LRRC28: variants seen among roughly 807,000 people sequenced by gnomAD.
The protein encoded by LRRC28 is leucine rich repeat containing 28.
Under a neutral mutation model 45.7 loss-of-function variants are expected in LRRC28, and 39 were observed. The ratio of observed to expected loss-of-function variants is 0.85; its 90% CI spans 0.66 to 1.12. The LOEUF (loss-of-function observed/expected upper bound fraction) is 1.12, where lower values mean the gene tolerates loss of function less well. LRRC28 is among the 50% of genes most tolerant of loss of function. The probability of loss-of-function intolerance (pLI) is 0.00; values close to 1 mark genes in which losing one functional copy is unlikely to be tolerated. For synonymous variants in LRRC28, 206 were observed against 178.8 expected (o/e 1.15, Z -1.22); for missense variants, 435 against 438.5 (o/e 0.99, Z 0.07).
intron 6 of LRRC28, among the ~76,000 whole-genome samples, chr15:99,334,661 T>C (rs1306521739): frequency 2.0e-5 from 3 of 152,204 alleles, no homozygotes; most frequent in East Asian, 3.8e-4. Flanking sequence ...TGTAGAGTTC[T>C]GTAGCTGACC....
intron 5 of LRRC28, among the ~76,000 whole-genome samples, chr15:99,316,447 G>A (rs764815143): frequency 1.3e-5 from 2 of 152,248 alleles, no homozygotes; most frequent in South Asian, 2.1e-4. Context: ...AGGAACTAGA[G>A]AAATGGGAAT....
intron 5 of LRRC28, among the ~76,000 whole-genome samples, chr15:99,305,772 C>T (rs1431436807): frequency 6.6e-6 from 1 of 152,064 alleles, no homozygotes; most frequent in East Asian, 1.9e-4. Context: ...AAAACAGTGG[C>T]TTTGTTTTCT....
chr15:99,303,505 G>A (rs1955059668), intron 5 of LRRC28, among the ~76,000 whole-genome samples: 1 of 152,060 alleles, frequency 6.6e-6, no homozygotes, highest in Non-Finnish European at 1.5e-5. Context: ...CAAGTTCAAG[G>A]AGAATCCCTA....
intron 9 of LRRC28, among the ~76,000 whole-genome samples, chr15:99,382,008 T>C (rs561833724): frequency 6.6e-6 from 1 of 152,338 alleles, no homozygotes; most frequent in African/African-American, 2.4e-5. Context: ...AGTCTGTCCG[T>C]TCTCAGATCT....
At position 99,357,300 on chromosome 15, in the gene LRRC28, A is replaced by G. The variant is rs574034648; in HGVS notation, c.696-4036A>G. ...CTCTGATCTTAAGTATGTTCCTCAC[A>G]AATGTATATGCTCATATGTACCAAA... On this transcript the variant is annotated intron_variant, in intron 7 of 9. Transcript: ENST00000301981. Among the ~76,000 whole-genome samples the G allele has an allele frequency of 5.3e-5, 8 of 152,344 alleles. 2 individuals carry two copies. The highest frequency in any genetic ancestry group is 1.9e-4 in the African/African-American group (8 of 41,584).
chr15:99,312,137 G>A (rs1471792262), intron 5 of LRRC28, among the ~76,000 whole-genome samples: 1 of 152,188 alleles, frequency 6.6e-6, no homozygotes, highest in African/African-American at 2.4e-5. Flanking sequence ...TCTAAGAAAT[G>A]TGTTGTTAGG....
intron 9 of LRRC28, among the ~76,000 whole-genome samples, chr15:99,364,247 G>A (rs1257681921): frequency 1.3e-5 from 2 of 152,200 alleles, no homozygotes; most frequent in African/African-American, 4.8e-5. Flanking sequence ...AACAGCCTGC[G>A]TGGCAGGGCC....
At position 99,256,747 on chromosome 15, in the gene LRRC28, G is replaced by T. The variant is rs545390133; in HGVS notation, c.168+622G>T. Among the ~76,000 whole-genome samples the T allele has an allele frequency of 2.6e-5, 4 of 152,314 alleles. No homozygotes were observed. The South Asian group carries it at 8.3e-4, about 32-fold the overall frequency. ...CTTTTTATGTTCTAAGAATAAGCAC[G>T]TAGTTTTCATTATAATCTGAATTGT... is the stretch of plus-strand genomic sequence containing the variant. On this transcript the variant is annotated intron_variant, in intron 2 of 9. Transcript: ENST00000301981.
rs961337398 is a variant in LRRC28, at chr15:99,386,518, A to C, written c.*416A>C. The C allele has an allele frequency of 6.3e-6, 1 of 158,798 alleles. No individual in the cohort carries two copies. The highest frequency in any genetic ancestry group is 2.4e-5 in the African/African-American group (1 of 41,682). The allele number at this position is 158,798 out of a possible 1,614,324, so 9.8% of individuals were successfully genotyped here. A position where few individuals can be genotyped will look rare whatever the true frequency, so the allele number is the denominator to read the frequency against. On this transcript the variant is annotated 3_prime_UTR_variant, in exon 10 of 10. Transcript: ENST00000301981. ...TTCCCCAGAGAGTTATTTCCCTGAG[A>C]CCATGTTCTCCACAGTGTCTCCAGT...
chr15:99,255,092 C>T (rs1306410888), intron 1 of LRRC28, among the ~76,000 whole-genome samples: 1 of 152,216 alleles, frequency 6.6e-6, no homozygotes, highest in Non-Finnish European at 1.5e-5. Context: ...CATCGTGGCT[C>T]ATGACTGTAA....
intron 7 of LRRC28, chr15:99,360,935 T>C (rs947266836): frequency 2.6e-5 from 4 of 153,898 alleles, no homozygotes; most frequent in African/African-American, 9.6e-5. Flanking sequence ...AAAATTCTAT[T>C]AAACCAAGAT....
At chr15:99,290,221 T>G (rs972578190) in intron 5 of LRRC28, among the ~76,000 whole-genome samples, 1 of 148,032 alleles carries the variant, frequency 6.8e-6, no homozygotes, top group Non-Finnish European at 1.5e-5. Context: ...ATTGCACCAC[T>G]GCACTCCAGC....
At chr15:99,296,267 A>C (rs183297012) in intron 5 of LRRC28, among the ~76,000 whole-genome samples, 25 of 152,322 alleles carry the variant, frequency 1.6e-4, no homozygotes, top group Admixed American at 5.2e-4. Context: ...GCCCAGGAAC[A>C]CTGGGTCAGC....
chr15:99,309,426 T>A (rs1176723214), intron 5 of LRRC28, among the ~76,000 whole-genome samples: 1 of 152,174 alleles, frequency 6.6e-6, no homozygotes, highest in Non-Finnish European at 1.5e-5. Context: ...TTTCTTTTTT[T>A]GAGATGGAGT....
intron 6 of LRRC28, among the ~76,000 whole-genome samples, chr15:99,343,394 TC>T (rs1202841946): frequency 1.3e-5 from 2 of 152,206 alleles, no homozygotes; most frequent in African/African-American, 4.8e-5. Flanking sequence ...AGCTTTTTGT[TC>T]CATTTTCAGC....
intron 9 of LRRC28, among the ~76,000 whole-genome samples, chr15:99,365,232 A>C (rs1256926544): frequency 6.6e-6 from 1 of 152,242 alleles, no homozygotes; most frequent in East Asian, 1.9e-4. Flanking sequence ...GCTACAACTT[A>C]GAAATGTAGT....
chr15:99,360,674 C>G (rs925566845), intron 7 of LRRC28, among the ~76,000 whole-genome samples: 1 of 152,146 alleles, frequency 6.6e-6, no homozygotes, highest in African/African-American at 2.4e-5. Context: ...AGTATTGAGG[C>G]TCTTAGGTTA....
intron 3 of LRRC28, among the ~76,000 whole-genome samples, chr15:99,279,783 A>G (rs1280496571): frequency 6.6e-6 from 1 of 152,186 alleles, no homozygotes; most frequent in Non-Finnish European, 1.5e-5. Context: ...CTCAACATGT[A>G]GCATTTGGAC....
rs1238788342 is a variant in LRRC28 at position 99,386,209 on chromosome 15, C to G, written c.*107C>G. The G allele has an allele frequency of 1.1e-6, 1 of 880,140 alleles. No homozygotes were observed. Among genetic ancestry groups the G allele is most frequent in the Non-Finnish European group, 1.9e-6 (1 of 527,828 alleles). 54.5% of individuals were successfully genotyped at this position (880,140 alleles called of 1,614,324 possible). On this transcript the variant is annotated 3_prime_UTR_variant, in exon 10 of 10. Coordinates refer to ENST00000301981, the MANE Select transcript of LRRC28 (RefSeq NM_144598.5). ...TGTCCAATGCGGGGGCACTGCAGAA[C>G]TCTCTAGAAATGTCATGATTGAGCT...
Sources: gnomAD v4.1 joint callset for allele counts (sites outside exome capture counted in the v4.1 genomes callset) on GRCh38, gnomAD v4.1.1 for gene constraint, MANE v1.5 for transcripts, NCBI Gene and HGNC (gene_info 2026-07-23, HGNC 2026-07-21) for gene names.